ANO7: variants seen among roughly 807,000 people sequenced by gnomAD.
The protein encoded by ANO7 is anoctamin-7.
Under a neutral mutation model 115.8 loss-of-function variants are expected in ANO7, and 114 were observed. The observed-to-expected ratio is 0.98, with a 90% confidence interval of 0.85 to 1.15. ANO7 has a LOEUF of 1.15. ANO7 is among the 50% of genes most tolerant of loss of function. ANO7 has a pLI of 0.00. For missense variants in ANO7, 1,302 were observed against 1,201.2 expected (o/e 1.08, Z -1.24); for synonymous variants, 550 against 498.2 (o/e 1.10, Z -1.38).
chr2:241,230,021 G>C, downstream of ANO7: 5 of 1,574,522 alleles, frequency 3.2e-6, no homozygotes, highest in Non-Finnish European at 4.3e-6. This position sits in a 1 kb window ranked among gnomAD's most constrained non-coding sequence, Gnocchi z 5.0. Context: ...CATCCCGCCC[G>C]CCTGCTCACC....
chr2:241,199,982 GC>G, intron 5 of ANO7, 106 bp from the exon 6 acceptor site: 1 of 1,339,262 alleles, frequency 7.5e-7, no homozygotes, highest in Non-Finnish European at 1.0e-6. Flanking sequence ...CTCTGCTGGA[GC>G]CCCTTCGCCC....
At chr2:241,222,360 C>G (rs551185534) in intron 21 of ANO7, among the ~76,000 whole-genome samples, 17 of 152,182 alleles carry the variant, frequency 1.1e-4, no homozygotes, top group Admixed American at 3.9e-4. Flanking sequence ...CATCTTACTC[C>G]TTCCAGCAGT....
At chr2:241,192,186 G>A (rs1229537879) in intron 3 of ANO7, among the ~76,000 whole-genome samples, 8 of 152,224 alleles carry the variant, frequency 5.3e-5, no homozygotes, top group African/African-American at 1.9e-4. Context: ...TTAGCCAGGC[G>A]TGGTGGCACA....
rs1205788869 is a variant in ANO7, at chr2:241,217,904, C to T, written c.2178+13C>T. 2.9e-6 allele frequency: 4 copies of T among 1,364,232 alleles called. No individual in the cohort carries two copies. The African/African-American group carries it at 5.2e-5, about 18-fold the overall frequency. 84.5% of individuals were successfully genotyped at this position (1,364,232 alleles called of 1,614,324 possible). On this transcript the variant is annotated intron_variant, in intron 20 of 24. Transcript: ENST00000674324. Reference sequence around the variant, plus strand: ...GGTCATCAGCAACGTGAGGCCCGGGCGGGAGCGCGGGGCGGGGCGGGGGCG... The same window carrying T: ...GGTCATCAGCAACGTGAGGCCCGGGTGGGAGCGCGGGGCGGGGCGGGGGCG...
At chr2:241,192,127 G>A (rs558492188) in intron 3 of ANO7, among the ~76,000 whole-genome samples, 8 of 152,300 alleles carry the variant, frequency 5.3e-5, no homozygotes, top group Admixed American at 2.6e-4. Context: ...ACCTGAGGTC[G>A]GGAGTTCGAG....
chr2:241,233,800 G>A, the ANO7 span: 11 of 1,613,802 alleles, frequency 6.8e-6, no homozygotes, highest in East Asian at 4.5e-5. This position sits in a 1 kb window ranked among gnomAD's most constrained non-coding sequence, Gnocchi z 4.3. Flanking sequence ...CCCCCGACAC[G>A]CTCCAACCGA....
chr2:241,239,083 A>C, the ANO7 span, among the ~76,000 whole-genome samples: 1 of 151,984 alleles, frequency 6.6e-6, no homozygotes, highest in Non-Finnish European at 1.5e-5. This position sits in a 1 kb window ranked among gnomAD's most constrained non-coding sequence, Gnocchi z 4.6. Context: ...CTCCATGAGG[A>C]GGCATCAGAC....
intron 17 of ANO7, among the ~76,000 whole-genome samples, chr2:241,213,688 A>T (rs371028789): frequency 1.3e-5 from 2 of 152,190 alleles, no homozygotes; most frequent in South Asian, 4.1e-4. Context: ...AGCCATCCAC[A>T]GGTGGCCTCT....
intron 6 of ANO7, among the ~76,000 whole-genome samples, 190 bp from the exon 7 acceptor site, chr2:241,201,108 T>C (rs2068459039): frequency 6.6e-6 from 1 of 152,214 alleles, no homozygotes; most frequent in African/African-American, 2.4e-5. Context: ...GCTGCTGACC[T>C]GCCGGGGAGC....
chr2:241,236,328 A>AC, the ANO7 span: 1 of 441,016 alleles, frequency 2.3e-6, no homozygotes, highest in Non-Finnish European at 4.1e-6. Context: ...TGCAGCTGAG[A>AC]CCCTTCCACA....
chr2:241,230,017 G>T (rs568277243), downstream of ANO7: 4 of 1,572,374 alleles, frequency 2.5e-6, no homozygotes, highest in East Asian at 6.8e-5. The surrounding 1 kb of genome is among the most constrained non-coding windows in gnomAD (Gnocchi z 5.0). Flanking sequence ...CCAGCATCCC[G>T]CCCGCCTGCT....
chr2:241,204,806 CT>C, intron 9 of ANO7, 58 bp from the exon 10 acceptor site: 2 of 1,441,744 alleles, frequency 1.4e-6, no homozygotes, highest in Non-Finnish European at 1.9e-6. Context: ...GTGCAGACCC[CT>C]ACCTGGGGCC....
At chr2:241,189,624 G>A (rs1046007778) in intron 1 of ANO7, among the ~76,000 whole-genome samples, 16 of 152,242 alleles carry the variant, frequency 1.1e-4, no homozygotes, top group African/African-American at 2.6e-4. Flanking sequence ...GGCCATGAGC[G>A]AAGGCAGGCG....
chr2:241,199,554 C>G, intron 5 of ANO7, 131 bp downstream of exon 5: 4 of 848,756 alleles, frequency 4.7e-6, no homozygotes, highest in South Asian at 1.6e-5. Flanking sequence ...CTACCCACCC[C>G]GACACCAGGC....
At chr2:241,202,361 C>A in intron 8 of ANO7, 57 bp downstream of exon 8, 1 of 1,527,494 alleles carries the variant, frequency 6.5e-7, no homozygotes, top group South Asian at 1.1e-5. Context: ...CCCCTTGGGT[C>A]CTGTTGGCCC....
chr2:241,216,346 C>T (rs2068828514), intron 19 of ANO7, 108 bp downstream of exon 19: 1 of 1,354,028 alleles, frequency 7.4e-7, no homozygotes, highest in African/African-American at 1.5e-5. Flanking sequence ...TGCATCTGCC[C>T]TGAAATGTGC....
At chr2:241,199,533 A>G (rs762257871) in intron 5 of ANO7, 110 bp downstream of exon 5, 50 of 1,083,644 alleles carry the variant, frequency 4.6e-5, no homozygotes, top group Non-Finnish European at 6.7e-5. Flanking sequence ...CAGAGGCCTC[A>G]GGGGCTCCTC....
rs773428343 is a variant in ANO7, at chr2:241,191,251, G to A, written c.166G>A (p.Ala56Thr). The change falls in exon 3 of 25, where the codon GCA (alanine) becomes ACA (threonine). Residue 56 changes from alanine (A) to threonine (T), a missense_variant and splice_region_variant. Coordinates refer to ENST00000674324, the MANE Select transcript of ANO7 (RefSeq NM_001370694.2). ...TGGGAGTCCTGCCAAGCCCCGGATC[G>A]GTGAGCCCCTCCCAGCACCTGTACC... is the stretch of plus-strand genomic sequence containing the variant. ...RAGSPAKPRI[A>T]DFVLVWEEDL... is the part of the protein sequence containing the mutation. 10 of 1,613,626 alleles carry A rather than the reference G, an allele frequency of 6.2e-6. No individual in the cohort carries two copies. Among genetic ancestry groups the A allele is most frequent in the South Asian group, 2.2e-5 (2 of 91,082 alleles).
rs751519402 is a variant in ANO7, at chr2:241,218,254, T to G, written c.2194T>G (p.Phe732Val). Residue 732 changes from phenylalanine (F) to valine (V), a missense_variant, in exon 21 of 25, where the codon TTC (phenylalanine) becomes GTC (valine). By Grantham distance (50) the Phe-to-Val change is conservative. Transcript: ENST00000674324. ...AVISNAFLLA[F>V]SSDFLPRAYY... ...CGGCGCCCAGGCCTTCCTCCTGGCC[T>G]TCTCGTCCGACTTCCTGCCGCGCGC... is the stretch of plus-strand genomic sequence containing the variant. The G allele has an allele frequency of 4.5e-5, 68 of 1,525,524 alleles. No individual in the cohort carries two copies. The highest frequency in any genetic ancestry group is 5.7e-5 in the Admixed American group (3 of 52,596). The allele number at this position is 1,525,524 out of a possible 1,614,324, so 94.5% of individuals were successfully genotyped here.
Sources: allele counts gnomAD v4.1 joint callset (sites outside exome capture counted in the v4.1 genomes callset), GRCh38; gene constraint gnomAD v4.1.1; non-coding constraint Gnocchi (gnomAD v3.1); transcripts MANE v1.5; gene names NCBI Gene and HGNC (gene_info 2026-07-23, HGNC 2026-07-21).